ACAD11: variants seen among roughly 807,000 people sequenced by gnomAD.
The protein encoded by ACAD11 is acyl-CoA dehydrogenase family member 11.
A neutral mutation model predicts 102.2 loss-of-function variants in ACAD11; 83 were observed. That is an observed-to-expected ratio of 0.81 (90% CI 0.68 to 0.97). The LOEUF is 0.97. Ranked by LOEUF, ACAD11 falls within the 50% of genes least tolerant of loss-of-function variation. ACAD11 has a pLI of 0.00. For missense variants in ACAD11, 901 were observed against 951.7 expected (o/e 0.95, Z 0.70); for synonymous variants, 324 against 319.8 (o/e 1.01, Z -0.14).
chr3:132,581,038 C>T (rs1456017472), intron 13 of ACAD11, among the ~76,000 whole-genome samples: 1 of 151,928 alleles, frequency 6.6e-6, no homozygotes, highest in African/African-American at 2.4e-5. Context: ...AAAACATCTT[C>T]AGATTGAAAA....
At chr3:132,567,919 A>T (rs1937261304) in intron 17 of ACAD11, among the ~76,000 whole-genome samples, 1 of 152,244 alleles carries the variant, frequency 6.6e-6, no homozygotes, top group Non-Finnish European at 1.5e-5. Flanking sequence ...AAGAATAAAT[A>T]AAACTGTTCC....
chr3:132,568,641 CAG>C lies in ACAD11; in HGVS notation c.2001+7129_2001+7130del, dbSNP rs1262760500. ...AGTAATCAAGACTGTGCAGTGTTGG[CAG>C]AGACTGACGCATAGATAATTAAGAC... On this transcript the variant is annotated intron_variant, in intron 17 of 19. Coordinates refer to ENST00000264990, the MANE Select transcript of ACAD11 (RefSeq NM_032169.5). Among the ~76,000 whole-genome samples the C allele has an allele frequency of 2.0e-5, 3 of 152,174 alleles. No individual in the cohort carries two copies. The East Asian group carries it at 5.8e-4, about 29-fold the overall frequency.
intron 13 of ACAD11, among the ~76,000 whole-genome samples, chr3:132,596,727 A>C (rs1031027667): frequency 6.6e-6 from 1 of 152,208 alleles, no homozygotes; most frequent in Admixed American, 6.5e-5. Flanking sequence ...GCCATGGGAA[A>C]ATACTCTGGG....
chr3:132,640,604 G>C (rs1466334610), intron 4 of ACAD11, among the ~76,000 whole-genome samples: 1 of 152,136 alleles, frequency 6.6e-6, no homozygotes, highest in Non-Finnish European at 1.5e-5. Flanking sequence ...ATAGAGCAAA[G>C]ACCTTTACTT....
intron 17 of ACAD11, 122 bp downstream of exon 17, chr3:132,575,650 C>A: frequency 8.6e-7 from 1 of 1,166,614 alleles, no homozygotes; most frequent in Non-Finnish European, 1.2e-6. Flanking sequence ...CATAAATATG[C>A]CTTATTGAAA....
intron 13 of ACAD11, chr3:132,600,364 A>G (rs1300534825): frequency 2.0e-6 from 3 of 1,520,100 alleles, no homozygotes; most frequent in East Asian, 2.3e-5. Flanking sequence ...ACAAATATCT[A>G]TCCTGTATTC....
chr3:132,578,988 A>G, intron 14 of ACAD11, 107 bp from the exon 15 acceptor site: 1 of 1,545,708 alleles, frequency 6.5e-7, no homozygotes, highest in Non-Finnish European at 8.7e-7. Flanking sequence ...GTAGTCATGT[A>G]AGCAGTGATG....
intron 17 of ACAD11, among the ~76,000 whole-genome samples, chr3:132,566,964 A>G (rs1937232066): frequency 6.6e-6 from 1 of 152,188 alleles, no homozygotes; most frequent in African/African-American, 2.4e-5. Flanking sequence ...TTTAGAGAAA[A>G]TAATTAAGAC....
intron 17 of ACAD11, among the ~76,000 whole-genome samples, chr3:132,571,348 T>TG (rs1576549238): frequency 2.0e-5 from 3 of 151,870 alleles, no homozygotes; most frequent in African/African-American, 7.2e-5. Flanking sequence ...TTTAACGGTT[T>TG]TTTTTTTTTT....
intron 13 of ACAD11, among the ~76,000 whole-genome samples, chr3:132,592,038 T>C (rs1938104315): frequency 6.6e-6 from 1 of 152,064 alleles, no homozygotes; most frequent in Admixed American, 6.6e-5. Flanking sequence ...TGGAGAACAA[T>C]TAATATTCTA....
chr3:132,589,753 G>C (rs1937996773), intron 13 of ACAD11, among the ~76,000 whole-genome samples: 1 of 152,058 alleles, frequency 6.6e-6, no homozygotes, highest in East Asian at 1.9e-4. Context: ...AAATGTGAAG[G>C]TTTGTTACAT....
chr3:132,632,941 C>T (rs1287415361), intron 5 of ACAD11, among the ~76,000 whole-genome samples: 2 of 152,196 alleles, frequency 1.3e-5, no homozygotes, highest in African/African-American at 4.8e-5. Flanking sequence ...TGAGACTTTG[C>T]TGAAGTTGCT....
rs1262011637 is a variant in ACAD11, at chr3:132,628,301, G to T, written c.1070+39C>A. 4.2e-6 allele frequency: 6 copies of T among 1,443,836 alleles called. No homozygotes were observed. The African/African-American group carries it at 7.1e-5, about 17-fold the overall frequency. The allele number at this position is 1,443,836 out of a possible 1,614,324, so 89.4% of individuals were successfully genotyped here. A position where few individuals can be genotyped will look rare whatever the true frequency, so the allele number is the denominator to read the frequency against. ...TATAACCTTCACATACCCAATAAAG[G>T]CTCTAATTTGAGTTAGCCAAGGAAT... is the stretch of plus-strand genomic sequence containing the variant. On this transcript the variant is annotated intron_variant, in intron 8 of 19. Transcript: ENST00000264990.
At chr3:132,626,642 TC>T (rs1939824028) in intron 9 of ACAD11, 48 bp downstream of exon 9, 1 of 1,602,386 alleles carries the variant, frequency 6.2e-7, no homozygotes, top group African/African-American at 1.3e-5. Context: ...ACAAAAGTAT[TC>T]ATTGATAGTC....
At chr3:132,603,998 G>A (rs1339968680) in intron 12 of ACAD11, among the ~76,000 whole-genome samples, 1 of 152,064 alleles carries the variant, frequency 6.6e-6, no homozygotes, top group Non-Finnish European at 1.5e-5. Flanking sequence ...TTTTTAGAAA[G>A]AGGGCTGTGT....
At chr3:132,611,074 C>CA (rs993446708) in intron 11 of ACAD11, among the ~76,000 whole-genome samples, 15 of 151,970 alleles carry the variant, frequency 9.9e-5, no homozygotes, top group African/African-American at 3.4e-4. Flanking sequence ...TCAACATACG[C>CA]AAATCAGTAA....
chr3:132,611,842 A>T (rs1939166994), intron 11 of ACAD11, among the ~76,000 whole-genome samples: 1 of 152,032 alleles, frequency 6.6e-6, no homozygotes, highest in Non-Finnish European at 1.5e-5. Flanking sequence ...TCAAGCTACC[A>T]ATGACTTTCT....
intron 13 of ACAD11, among the ~76,000 whole-genome samples, chr3:132,581,437 AT>A (rs756300841): frequency 5.3e-5 from 8 of 152,000 alleles, no homozygotes; most frequent in Non-Finnish European, 1.0e-4. Flanking sequence ...GGAAAGTATT[AT>A]CTGAAAATCC....
intron 13 of ACAD11, among the ~76,000 whole-genome samples, chr3:132,598,633 A>T (rs1452915468): frequency 1.3e-5 from 2 of 152,192 alleles, no homozygotes; most frequent in Non-Finnish European, 2.9e-5. Context: ...GCGTTTATTG[A>T]GTAGGAATTG....
Sources: gnomAD v4.1 joint callset for allele counts (sites outside exome capture counted in the v4.1 genomes callset) on GRCh38, gnomAD v4.1.1 for gene constraint, MANE v1.5 for transcripts, NCBI Gene and HGNC (gene_info 2026-07-23, HGNC 2026-07-21) for gene names.